Variants in ADAMTS16 observed in about 807,000 individuals in gnomAD.
ADAMTS16 encodes A disintegrin and metalloproteinase with thrombospondin motifs 16.
A neutral mutation model predicts 145.8 loss-of-function variants in ADAMTS16; 94 were observed. The ratio of observed to expected loss-of-function variants is 0.64; its 90% CI spans 0.55 to 0.77. The LOEUF (loss-of-function observed/expected upper bound fraction) is 0.77. Among genes scored for constraint, ADAMTS16 ranks in the 30% least tolerant of loss-of-function variants. The pLI, the probability that ADAMTS16 is intolerant of heterozygous loss-of-function variation, is 0.00. For synonymous variants in ADAMTS16, 659 were observed against 604.3 expected, an observed-to-expected ratio of 1.09 and a Z score of -1.33; for missense variants, 1,585 against 1,591.5, an observed-to-expected ratio of 1.00 and a Z score of 0.07.
At chr5:5,153,621 T>C (rs1413319323) in intron 3 of ADAMTS16, among the ~76,000 whole-genome samples, 2 of 152,232 alleles carry the variant, frequency 1.3e-5, no homozygotes, top group African/African-American at 4.8e-5. Flanking sequence ...AAAACTATTT[T>C]TTAGAAACTC....
intron 18 of ADAMTS16, among the ~76,000 whole-genome samples, chr5:5,289,571 T>C (rs1019887462): frequency 1.3e-5 from 2 of 152,264 alleles, no homozygotes. Context: ...TCTTGGGTGC[T>C]GTAAAAACAC....
rs369361852 is a variant in ADAMTS16, at chr5:5,242,128, C to G, written c.2599C>G (p.Pro867Ala). The G allele has an allele frequency of 5.6e-6, 9 of 1,614,092 alleles. No homozygotes were observed. The highest frequency in any genetic ancestry group is 6.8e-6 in the Non-Finnish European group (8 of 1,180,050). The change falls in exon 17 of 23, where the codon CCT (proline) becomes GCT (alanine). Residue 867 changes from proline (P) to alanine (A), a missense_variant. Pro to Ala is a conservative substitution (Grantham distance 27). Around this residue, in one of 3 missense-constraint regions of ADAMTS16, gnomAD observed 834 missense variants for 811.7 expected, o/e 1.03. Transcript: ENST00000274181. Reference sequence around the variant, plus strand: ...TCGCTTGGGGACCGAGAAGCAGCCCCCTGCCCAGCCCAGCTACACTTGGGC... The same window carrying G: ...TCGCTTGGGGACCGAGAAGCAGCCCGCTGCCCAGCCCAGCTACACTTGGGC... ...MPRLGTEKQP[P>A]AQPSYTWAIV... is the part of the protein sequence containing the mutation.
At chr5:5,257,165 AGTCATTGAAATTG>A in intron 17 of ADAMTS16, among the ~76,000 whole-genome samples, 1 of 152,356 alleles carries the variant, frequency 6.6e-6, no homozygotes, top group Admixed American at 6.5e-5. Flanking sequence ...TGCATGAGTC[AGTCATTGAAATTG>A]TGCCCCAGTT....
intron 17 of ADAMTS16, among the ~76,000 whole-genome samples, chr5:5,259,445 T>C (rs113293269): frequency 5.3e-5 from 8 of 152,344 alleles, no homozygotes; most frequent in African/African-American, 1.9e-4. Context: ...CAGGTCTCAA[T>C]CGAGTTTATT....
At chr5:5,295,242 A>C (rs569840457) in intron 18 of ADAMTS16, among the ~76,000 whole-genome samples, 68 of 152,340 alleles carry the variant, frequency 4.5e-4, no homozygotes, top group African/African-American at 1.6e-3. Context: ...AAGTTGTTTT[A>C]AAATTTGTAT....
chr5:5,181,999 A>G, intron 3 of ADAMTS16, 45 bp from the exon 4 acceptor site: 1 of 1,560,574 alleles, frequency 6.4e-7, no homozygotes, highest in South Asian at 1.2e-5. Flanking sequence ...GGCTTCAACC[A>G]GAAAGTCTAA....
intron 8 of ADAMTS16, among the ~76,000 whole-genome samples, chr5:5,197,760 T>C (rs530675993): frequency 1.3e-5 from 2 of 152,360 alleles, no homozygotes; most frequent in South Asian, 2.1e-4. Flanking sequence ...TGTGTGCTAC[T>C]TTTTTATGCT....
At chr5:5,219,169 A>G (rs923605144) in intron 10 of ADAMTS16, among the ~76,000 whole-genome samples, 2 of 151,904 alleles carry the variant, frequency 1.3e-5, no homozygotes, top group Non-Finnish European at 2.9e-5. Context: ...CAGGCGTACA[A>G]TGTGTAATAT....
chr5:5,159,510 CACT>C (rs1462195338), intron 3 of ADAMTS16, among the ~76,000 whole-genome samples: 1 of 152,168 alleles, frequency 6.6e-6, no homozygotes, highest in Non-Finnish European at 1.5e-5. Context: ...CCGCCGCCCC[CACT>C]CATTATTGAA....
intron 18 of ADAMTS16, among the ~76,000 whole-genome samples, chr5:5,263,485 C>G (rs1163869293): frequency 2.0e-5 from 3 of 152,236 alleles, no homozygotes; most frequent in Admixed American, 1.3e-4. Flanking sequence ...TTCTCAGGCT[C>G]TTTGCTGGAC....
At position 5,305,841 on chromosome 5, in the gene ADAMTS16, C is replaced by T. The variant is rs111991271; in HGVS notation, c.3187-663C>T. Among the ~76,000 whole-genome samples, 762 of 152,354 alleles carry T rather than the reference C, an allele frequency of 5.0e-3. 10 individuals carry two copies. Among genetic ancestry groups the T allele is most frequent in the African/African-American group, 0.018 (732 of 41,586 alleles). On this transcript the variant is annotated intron_variant, in intron 20 of 22. Transcript: ENST00000274181. The stretch of plus-strand genomic sequence containing the variant: ...GGACCTCTGTCCCAGAGACCCTCCG[C>T]GCCCAGTCTGTGGTGGGACAGTGTG...
At chr5:5,189,548 C>T (rs1735599931) in intron 6 of ADAMTS16, among the ~76,000 whole-genome samples, 1 of 152,180 alleles carries the variant, frequency 6.6e-6, no homozygotes, top group South Asian at 2.1e-4. Flanking sequence ...ATCCCACTTG[C>T]TTAACTTGGT....
intron 18 of ADAMTS16, among the ~76,000 whole-genome samples, chr5:5,281,647 G>T (rs67272384): frequency 0.2 from 30,757 of 151,996 alleles, 3,657 homozygotes; most frequent in Admixed American, 0.37. Flanking sequence ...CCCAAACCAG[G>T]CCATAAATTT....
chr5:5,259,288 G>T (rs956169720), intron 17 of ADAMTS16, among the ~76,000 whole-genome samples: 1 of 152,226 alleles, frequency 6.6e-6, no homozygotes, highest in Non-Finnish European at 1.5e-5. Context: ...CACTGATGGG[G>T]CAGGATCCTG....
At chr5:5,168,627 A>T (rs182247233) in intron 3 of ADAMTS16, among the ~76,000 whole-genome samples, 16,179 of 87,766 alleles carry the variant, frequency 0.18, 1,152 homozygotes, top group Middle Eastern at 0.34. Flanking sequence ...ATATTATATT[A>T]TATATAATAT....
intron 18 of ADAMTS16, among the ~76,000 whole-genome samples, chr5:5,264,501 C>A (rs868731674): frequency 1.3e-5 from 2 of 152,144 alleles, no homozygotes; most frequent in South Asian, 2.1e-4. Context: ...TGGGTACTCT[C>A]CCCGAGGCAA....
intron 9 of ADAMTS16, among the ~76,000 whole-genome samples, chr5:5,207,258 A>G (rs1172846786): frequency 6.6e-6 from 1 of 152,186 alleles, no homozygotes; most frequent in Non-Finnish European, 1.5e-5. Context: ...TAGGCTTTGC[A>G]CATATTTTGC....
At chr5:5,309,827 CGTGTGTGT>C (rs35723690) in intron 21 of ADAMTS16, among the ~76,000 whole-genome samples, 23 of 146,976 alleles carry the variant, frequency 1.6e-4, no homozygotes, top group South Asian at 6.8e-4. Context: ...GTCATGTCCT[CGTGTGTGT>C]GTGTGTGTGT....
At chr5:5,229,095 G>C (rs944756137) in intron 11 of ADAMTS16, among the ~76,000 whole-genome samples, 23 of 151,560 alleles carry the variant, frequency 1.5e-4, no homozygotes, top group Non-Finnish European at 7.4e-5. Flanking sequence ...TCAGGAGATC[G>C]AGACCATCCT....
Sources: gnomAD v4.1 joint callset for allele counts (sites outside exome capture counted in the v4.1 genomes callset) on GRCh38, gnomAD v4.1.1 for gene constraint, gnomAD v4.1.1 regional missense constraint, MANE v1.5 for transcripts, NCBI Gene and HGNC (gene_info 2026-07-23, HGNC 2026-07-21) for gene names.